Variants in SGSM3 observed in about 807,000 individuals in gnomAD.
SGSM3 encodes the protein RUN and SH3 containing 3.
SGSM3 carries 96 observed loss-of-function variants against 100.5 expected under a neutral mutation model. That is an observed-to-expected ratio of 0.96 (90% CI 0.81 to 1.13). SGSM3 has a LOEUF of 1.13. Ranked by LOEUF, SGSM3 falls within the 50% of genes most tolerant of loss-of-function variation. The probability of loss-of-function intolerance (pLI) is 0.00; values close to 1 mark genes in which losing one functional copy is unlikely to be tolerated. For synonymous variants in SGSM3, 483 were observed against 422.8 expected, an observed-to-expected ratio of 1.14 and a Z score of -1.75; for missense variants, 1,001 against 1,015.8, an observed-to-expected ratio of 0.99 and a Z score of 0.20.
At chr22:40,384,959 A>G (rs1258480220) in intron 1 of SGSM3, among the ~76,000 whole-genome samples, 1 of 152,234 alleles carries the variant, frequency 6.6e-6, no homozygotes, top group Non-Finnish European at 1.5e-5. Context: ...GGAATCCATT[A>G]GGAATGGACT....
At chr22:40,375,392 C>A (rs2046379839) in intron 1 of SGSM3, among the ~76,000 whole-genome samples, 1 of 152,110 alleles carries the variant, frequency 6.6e-6, no homozygotes, top group Non-Finnish European at 1.5e-5. Context: ...CTAGCCTGGA[C>A]AACATGGTAA....
intron 1 of SGSM3, among the ~76,000 whole-genome samples, chr22:40,389,904 C>CAA (rs556479827): frequency 3.4e-5 from 2 of 58,480 alleles, no homozygotes; most frequent in Admixed American, 1.9e-4. Context: ...AACTCCGTCT[C>CAA]AAAAAAAAAA....
Position 40,407,650 on chromosome 22 carries a change from C to G in SGSM3, c.1524+82C>G. On this transcript the variant is annotated intron_variant, in intron 13 of 21. Coordinates refer to ENST00000248929, the MANE Select transcript of SGSM3 (RefSeq NM_015705.6). The surrounding 1 kb of genome is among the most constrained non-coding windows in gnomAD (Gnocchi z 4.7). Reference sequence around the variant, plus strand: ...CCTCCACCAAGCCCCACCCCAACCCCTTTCCCTGCCAAGAGCTTCTCTTGT... The same window carrying G: ...CCTCCACCAAGCCCCACCCCAACCCGTTTCCCTGCCAAGAGCTTCTCTTGT... The G allele has an allele frequency of 6.3e-7, 1 of 1,580,354 alleles. No homozygotes were observed. Among genetic ancestry groups the G allele is most frequent in the South Asian group, 1.1e-5 (1 of 89,268 alleles).
rs1485752729 is a variant in SGSM3, at chr22:40,408,280, T to A, written c.1633T>A (p.Ser545Thr). ...TCAGACCCATCCCTCCCATCAGTAC[T>A]CCATCGCGGGGGATGACTCGGTGAC... ...EVLDERSKEYSIAGDDSVTEG... is the reference protein window; with the variant it reads ...EVLDERSKEYTIAGDDSVTEG... The change falls in exon 16 of 22, where the codon TCC (serine) becomes ACC (threonine). Residue 545 changes from serine to threonine, a missense_variant. Transcript: ENST00000248929. The A allele has an allele frequency of 1.2e-6, 2 of 1,613,138 alleles. No individual in the cohort carries two copies. The highest frequency in any genetic ancestry group is 1.7e-6 in the Non-Finnish European group (2 of 1,179,884).
At chr22:40,403,197 AC>A (rs2050984146) in intron 4 of SGSM3, among the ~76,000 whole-genome samples, 2 of 152,184 alleles carry the variant, frequency 1.3e-5, no homozygotes, top group Admixed American at 1.3e-4. Flanking sequence ...TGTACACCTA[AC>A]ATTTGTGCAT....
At chr22:40,391,485 C>T (rs112783497) in intron 1 of SGSM3, among the ~76,000 whole-genome samples, 5 of 152,236 alleles carry the variant, frequency 3.3e-5, no homozygotes, top group African/African-American at 9.6e-5. Flanking sequence ...GTGGTGCACA[C>T]CTGTAGTCCC....
Position 40,406,193 on chromosome 22 carries a change from C to G in SGSM3, c.930C>G (p.Phe310Leu). The G allele has an allele frequency of 3.1e-6, 5 of 1,614,074 alleles. No individual in the cohort carries two copies. Among genetic ancestry groups the G allele is most frequent in the Non-Finnish European group, 4.2e-6 (5 of 1,180,026 alleles). Residue 310 changes from phenylalanine to leucine, a missense_variant, in exon 9 of 22, where the codon TTC becomes TTG. Physicochemically the swap from Phe to Leu is conservative, Grantham distance 22 (BLOSUM62 0). Coordinates refer to ENST00000248929, the MANE Select transcript of SGSM3 (RefSeq NM_015705.6). Reference protein sequence around the residue: ...LFFYEGSRVLFQLTLGMLHLK... With the variant: ...LFFYEGSRVLLQLTLGMLHLK... Reference sequence around the variant, plus strand: ...TCTACGAGGGCTCCCGGGTGCTGTTCCAGCTCACGCTGGGCATGCTGCACC... The same window carrying G: ...TCTACGAGGGCTCCCGGGTGCTGTTGCAGCTCACGCTGGGCATGCTGCACC...
At chr22:40,404,745 G>GAGTGTGCCCTTGTTGTGGGGT in intron 6 of SGSM3, 81 bp downstream of exon 6, 1 of 988,244 alleles carries the variant, frequency 1.0e-6, no homozygotes, top group Middle Eastern at 2.7e-4. Flanking sequence ...GGGGTTCTTA[G>GAGTGTGCCCTTGTTGTGGGGT]AGTGTGCCCT....
chr22:40,403,433 G>A (rs951216679), intron 4 of SGSM3, among the ~76,000 whole-genome samples: 3 of 152,198 alleles, frequency 2.0e-5, no homozygotes, highest in Non-Finnish European at 2.9e-5. Context: ...AAAACTGAAG[G>A]TGGTCTCAGC....
At chr22:40,374,114 G>A (rs534747745) in intron 1 of SGSM3, among the ~76,000 whole-genome samples, 8 of 151,762 alleles carry the variant, frequency 5.3e-5, no homozygotes, top group East Asian at 1.9e-4. Flanking sequence ...CACCATGCCC[G>A]GCTAATTTTT....
At position 40,407,027 on chromosome 22, in the gene SGSM3, G is replaced by A. The variant is rs558698128; in HGVS notation, c.1196G>A (p.Arg399His). ...TLTNLSQVVR[R>H]RTQRRKSTIT... ...CTCCTCTTGGTGCAGGTTGTTCGCC[G>A]CAGGACCCAGCGGAGGAAGTCCACC... The change falls in exon 11 of 22, where the codon CGC becomes CAC. Residue 399 changes from arginine (R) to histidine (H), a missense_variant. Transcript: ENST00000248929. This position sits in a 1 kb window ranked among gnomAD's most constrained non-coding sequence, Gnocchi z 4.7. 16 of 1,577,950 alleles carry A rather than the reference G, an allele frequency of 1.0e-5. No homozygotes were observed. Among genetic ancestry groups the A allele is most frequent in the Admixed American group, 3.7e-5 (2 of 54,402 alleles).
At chr22:40,403,612 G>C (rs955055021) in intron 4 of SGSM3, among the ~76,000 whole-genome samples, 1 of 152,230 alleles carries the variant, frequency 6.6e-6, no homozygotes, top group Non-Finnish European at 1.5e-5. Context: ...GGAGTGGAGA[G>C]AGCAAGAGGA....
intron 1 of SGSM3, among the ~76,000 whole-genome samples, chr22:40,392,013 C>G (rs2049412618): frequency 6.6e-6 from 1 of 152,200 alleles, no homozygotes; most frequent in African/African-American, 2.4e-5. Context: ...AATTGCTGCA[C>G]TTTTCCTTGT....
Position 40,409,304 on chromosome 22 carries a change from G to A in SGSM3, c.2043G>A (p.Val681=), listed in dbSNP as rs370868039. Residue 681 remains valine (V), a synonymous_variant, in exon 20 of 22, where the codon GTG becomes GTA. Coordinates refer to ENST00000248929, the MANE Select transcript of SGSM3 (RefSeq NM_015705.6). The part of the protein sequence containing the change: ...LEVLCSSLPT[V]EKWYQPWSFL... The stretch of plus-strand genomic sequence containing the variant: ...TGCTCTGCTCCAGCCTGCCCACCGT[G>A]GAGAAGTGGTACCAGCCCTGGTCCT... 9 of 1,612,978 alleles carry A rather than the reference G, an allele frequency of 5.6e-6. No individual in the cohort carries two copies. The African/African-American group carries it at 8.0e-5, about 14-fold the overall frequency.
intron 1 of SGSM3, among the ~76,000 whole-genome samples, chr22:40,372,320 G>T (rs1156897404): frequency 6.6e-6 from 1 of 151,424 alleles, no homozygotes; most frequent in South Asian, 2.1e-4. Flanking sequence ...TAGAGACGGG[G>T]TTTCACCGTG....
intron 1 of SGSM3, among the ~76,000 whole-genome samples, chr22:40,378,744 C>A (rs1377235011): frequency 2.0e-5 from 3 of 151,714 alleles, no homozygotes; most frequent in Non-Finnish European, 4.4e-5. Context: ...CAGAACAAAA[C>A]CAATAATAAT....
Position 40,409,787 on chromosome 22 carries a change from C to T in SGSM3, c.*28C>T. ...CCCTCCTCCCCAGCCCAACCTCGGG[C>T]CTGCGTCTGAGGTGGCCCAGGACCC... On this transcript the variant is annotated 3_prime_UTR_variant, in exon 22 of 22. Transcript: ENST00000248929. 2 of 1,597,972 alleles carry T rather than the reference C, an allele frequency of 1.3e-6. No homozygotes were observed. Among genetic ancestry groups the T allele is most frequent in the Non-Finnish European group, 1.7e-6 (2 of 1,176,680 alleles).
At chr22:40,389,097 G>C (rs781024726) in intron 1 of SGSM3, among the ~76,000 whole-genome samples, 1 of 152,154 alleles carries the variant, frequency 6.6e-6, no homozygotes, top group Non-Finnish European at 1.5e-5. Flanking sequence ...GGAGAGTGCA[G>C]AGAGCTAGAG....
chr22:40,402,227 G>A (rs1260567836), intron 4 of SGSM3, 22 bp downstream of exon 4: 3 of 1,591,678 alleles, frequency 1.9e-6, no homozygotes, highest in Non-Finnish European at 2.6e-6. Context: ...CCCCTTTTGT[G>A]TGTCATCTTG....
Sources: gnomAD v4.1 joint callset for allele counts (sites outside exome capture counted in the v4.1 genomes callset) on GRCh38, gnomAD v4.1.1 for gene constraint, Gnocchi (gnomAD v3.1) non-coding constraint, MANE v1.5 for transcripts, NCBI Gene and HGNC (gene_info 2026-07-23, HGNC 2026-07-21) for gene names.